LRRC37A2: variants seen among roughly 807,000 people sequenced by gnomAD.
LRRC37A2 encodes the protein leucine rich repeat containing 37 member A2.
Under a neutral mutation model 68.8 loss-of-function variants are expected in LRRC37A2, and 9 were observed. The observed-to-expected ratio is 0.13, with a 90% CI of 0.08 to 0.23. The LOEUF is 0.23. Ranked by LOEUF, LRRC37A2 falls within the 10% of genes least tolerant of loss-of-function variation. The pLI is 1.00. For missense variants in LRRC37A2, 168 were observed against 950.4 expected, an observed-to-expected ratio of 0.18 and a Z score of 10.82; for synonymous variants, 63 against 367.6, an observed-to-expected ratio of 0.17 and a Z score of 9.48.
At chr17:46,842,290 G>A in the LRRC37A2 span, among the ~76,000 whole-genome samples, 1 of 152,224 alleles carries the variant, frequency 6.6e-6, no homozygotes, top group Non-Finnish European at 1.5e-5. Context: ...AGGTAGATAT[G>A]CCGCTGCTGC....
the LRRC37A2 span, among the ~76,000 whole-genome samples, chr17:46,888,245 G>A: frequency 4.0e-4 from 61 of 152,170 alleles, no homozygotes; most frequent in Non-Finnish European, 6.6e-4. Flanking sequence ...TGTGGGTCAG[G>A]TGGGGAGTTG....
chr17:46,739,694 A>G, the LRRC37A2 span, among the ~76,000 whole-genome samples: 2 of 151,412 alleles, frequency 1.3e-5, no homozygotes, highest in African/African-American at 2.4e-5. Context: ...ATATTACTAT[A>G]TTAATATTTT....
At chr17:47,012,205 T>G in the LRRC37A2 span, among the ~76,000 whole-genome samples, 1 of 152,180 alleles carries the variant, frequency 6.6e-6, no homozygotes, top group Non-Finnish European at 1.5e-5. Context: ...ACACTATGTA[T>G]CTTTTTGTCA....
chr17:46,496,123 T>TC, the LRRC37A2 span, among the ~76,000 whole-genome samples: 1 of 105,736 alleles, frequency 9.5e-6, no homozygotes, highest in Non-Finnish European at 2.0e-5. Flanking sequence ...GAGAAAGGAG[T>TC]GTTGAAGTCT....
At chr17:46,444,527 C>G in the LRRC37A2 span, among the ~76,000 whole-genome samples, 1 of 97,422 alleles carries the variant, frequency 1.0e-5, no homozygotes, top group East Asian at 2.6e-4. Flanking sequence ...GCCTCGGCCT[C>G]CCAAAGTGTT....
the LRRC37A2 span, among the ~76,000 whole-genome samples, chr17:46,850,042 G>T: frequency 6.6e-6 from 1 of 152,130 alleles, no homozygotes; most frequent in African/African-American, 2.4e-5. Context: ...GAGAGACAGG[G>T]TTTTGCCATG....
chr17:46,991,008 G>C, the LRRC37A2 span, among the ~76,000 whole-genome samples: 1 of 152,132 alleles, frequency 6.6e-6, no homozygotes, highest in Non-Finnish European at 1.5e-5. Flanking sequence ...CTTTGCTCCA[G>C]CAATTCCACT....
chr17:46,857,602 T>A, the LRRC37A2 span, among the ~76,000 whole-genome samples: 2 of 152,174 alleles, frequency 1.3e-5, no homozygotes, highest in African/African-American at 4.8e-5. Flanking sequence ...CTTGGATAAC[T>A]GTCTAGGAGT....
At chr17:46,940,072 A>T in the LRRC37A2 span, 3 of 1,093,748 alleles carry the variant, frequency 2.7e-6, no homozygotes, top group South Asian at 9.4e-5. Flanking sequence ...TTGTTGCTTG[A>T]ACTGTCTTCT....
At chr17:46,825,374 C>T in the LRRC37A2 span, among the ~76,000 whole-genome samples, 1 of 152,236 alleles carries the variant, frequency 6.6e-6, no homozygotes, top group African/African-American at 2.4e-5. Context: ...ACCTTAGTCA[C>T]GATGGGCCCC....
chr17:47,012,076 T>A, the LRRC37A2 span, among the ~76,000 whole-genome samples: 42 of 152,204 alleles, frequency 2.8e-4, no homozygotes, highest in Non-Finnish European at 1.5e-5. Flanking sequence ...CCGATGATGA[T>A]TCTTGCTGAA....
the LRRC37A2 span, among the ~76,000 whole-genome samples, chr17:46,881,560 C>G: frequency 6.6e-6 from 1 of 152,214 alleles, no homozygotes; most frequent in Non-Finnish European, 1.5e-5. Flanking sequence ...CCCATATTCT[C>G]TCTACCATAC....
chr17:46,601,668 G>A, the LRRC37A2 span, among the ~76,000 whole-genome samples: 1 of 147,432 alleles, frequency 6.8e-6, no homozygotes, highest in South Asian at 2.1e-4. Flanking sequence ...ATTATATCCA[G>A]TTCCCATATA....
the LRRC37A2 span, among the ~76,000 whole-genome samples, chr17:46,910,990 C>T: frequency 1.3e-5 from 2 of 152,120 alleles, no homozygotes; most frequent in Admixed American, 1.3e-4. Flanking sequence ...ATGCATATGG[C>T]GGTGCCAAGG....
the LRRC37A2 span, among the ~76,000 whole-genome samples, chr17:46,853,240 C>G: frequency 2.0e-3 from 300 of 152,104 alleles, 2 homozygotes; most frequent in African/African-American, 5.5e-3. Flanking sequence ...CTCTCTGTCT[C>G]TCAGTCTCTC....
chr17:46,718,826 A>G, the LRRC37A2 span, among the ~76,000 whole-genome samples: 18 of 152,358 alleles, frequency 1.2e-4, no homozygotes, highest in South Asian at 1.0e-3. Flanking sequence ...TATGAAATCA[A>G]TGAAGTGTAG....
At chr17:46,878,119 G>T in the LRRC37A2 span, among the ~76,000 whole-genome samples, 1 of 152,220 alleles carries the variant, frequency 6.6e-6, no homozygotes, top group Non-Finnish European at 1.5e-5. Context: ...CCTTGCAGGG[G>T]TCCCCTTGCT....
At chr17:46,810,215 C>T in the LRRC37A2 span, among the ~76,000 whole-genome samples, 1 of 152,000 alleles carries the variant, frequency 6.6e-6, no homozygotes, top group Non-Finnish European at 1.5e-5. Context: ...ACCATGTTGG[C>T]CAAGCAGGCC....
At chr17:46,920,404 T>C in the LRRC37A2 span, among the ~76,000 whole-genome samples, 12 of 152,162 alleles carry the variant, frequency 7.9e-5, no homozygotes, top group Non-Finnish European at 1.8e-4. Context: ...GCATGGTACA[T>C]TGTAGATGCT....
Sources: allele counts gnomAD v4.1 joint callset (sites outside exome capture counted in the v4.1 genomes callset), GRCh38; gene constraint gnomAD v4.1.1; transcripts MANE v1.5; gene names NCBI Gene and HGNC (gene_info 2026-07-23, HGNC 2026-07-21).